JHY: variants seen among roughly 807,000 people sequenced by gnomAD.
The protein encoded by JHY is jhy protein homolog.
A neutral mutation model predicts 78.0 loss-of-function variants in JHY; 69 were observed. That is an observed-to-expected ratio of 0.88 (90% CI 0.73 to 1.08). The LOEUF (loss-of-function observed/expected upper bound fraction) is 1.08, where lower values mean the gene tolerates loss of function less well. Among genes scored for constraint, JHY ranks in the 50% least tolerant of loss-of-function variants. JHY has a pLI of 0.00. For synonymous variants in JHY, 368 were observed against 342.6 expected, an observed-to-expected ratio of 1.07 and a Z score of -0.82; for missense variants, 944 against 927.8, an observed-to-expected ratio of 1.02 and a Z score of -0.23.
rs148101030 is a variant in JHY, at chr11:122,934,356, T to A, written c.979-64T>A. The A allele has an allele frequency of 7.0e-4, 511 of 727,196 alleles. 7 individuals are homozygous for A. The East Asian group carries it at 0.018, about 25-fold the overall frequency. The allele number at this position is 727,196 out of a possible 1,614,324, so 45.0% of individuals were successfully genotyped here. A position where few individuals can be genotyped will look rare whatever the true frequency, so the allele number is the denominator to read the frequency against. On this transcript the variant is annotated intron_variant, in intron 4 of 8. Coordinates refer to ENST00000227349, the MANE Select transcript of JHY (RefSeq NM_024806.4). ...AATAAATAAATAAATAAATAAATAA[T>A]AAAATAAAATTTGTGAAGAGTGCCA...
chr11:122,955,117 G>A (rs1864162455), intron 6 of JHY, among the ~76,000 whole-genome samples: 1 of 151,960 alleles, frequency 6.6e-6, no homozygotes, highest in South Asian at 2.1e-4. Context: ...TTCAGGGTTT[G>A]TTGTTGTTGT....
At chr11:122,888,889 A>G (rs1183930899) in intron 2 of JHY, among the ~76,000 whole-genome samples, 1 of 152,194 alleles carries the variant, frequency 6.6e-6, no homozygotes, top group Non-Finnish European at 1.5e-5. Flanking sequence ...CTTTTGAACT[A>G]AGACATGGTC....
rs1343250445 is a variant in JHY at position 122,925,706 on chromosome 11, AC to A, written c.978+699del. ...AGACCAGCTTGGCCAACATAGTGAA[AC>A]CCTGTCTCTACTAAAAATACAAAGA... On this transcript the variant is annotated intron_variant, in intron 4 of 8. Coordinates refer to ENST00000227349, the MANE Select transcript of JHY (RefSeq NM_024806.4). Among the ~76,000 whole-genome samples, 3 of 151,862 alleles carry A rather than the reference AC, an allele frequency of 2.0e-5. No homozygotes were observed. The East Asian group carries it at 5.8e-4, about 29-fold the overall frequency.
chr11:122,927,804 C>G (rs955002221), intron 4 of JHY, among the ~76,000 whole-genome samples: 5 of 149,824 alleles, frequency 3.3e-5, no homozygotes, highest in Non-Finnish European at 5.9e-5. Context: ...GATCTTGGCT[C>G]ACTGTAACCT....
rs80178051 is a variant in JHY at position 122,917,473 on chromosome 11, C to T, written c.865-7424C>T. 0.051 allele frequency among the ~76,000 whole-genome samples: 7,732 copies of T among 152,274 alleles called. 293 individuals carry two copies. Among genetic ancestry groups the T allele is most frequent in the African/African-American group, 0.095 (3,953 of 41,534 alleles). On this transcript the variant is annotated intron_variant, in intron 3 of 8. Coordinates refer to ENST00000227349, the MANE Select transcript of JHY (RefSeq NM_024806.4). The surrounding 1 kb of genome is among the most constrained non-coding windows in gnomAD (Gnocchi z 4.1). ...GTGTTCCTTGGACCAGGAGCATCAT[C>T]ATCACCTGGGAACTTAACACAAGTG...
chr11:122,923,025 C>T (rs890779799), intron 3 of JHY, among the ~76,000 whole-genome samples: 7 of 152,140 alleles, frequency 4.6e-5, no homozygotes, highest in African/African-American at 1.7e-4. Context: ...GACAGCATTT[C>T]TAGGCAGTGG....
At chr11:122,942,439 A>G (rs1412149309) in intron 5 of JHY, among the ~76,000 whole-genome samples, 1 of 151,112 alleles carries the variant, frequency 6.6e-6, no homozygotes, top group Non-Finnish European at 1.5e-5. Flanking sequence ...TTATTTATTT[A>G]TTGAGACAGA....
At chr11:122,934,287 G>A in intron 4 of JHY, 133 bp from the exon 5 acceptor site, 1 of 427,898 alleles carries the variant, frequency 2.3e-6, no homozygotes, top group Non-Finnish European at 3.3e-6. Flanking sequence ...CTGCACTCCA[G>A]CCTGGGAGAC....
rs1410854415 is a variant in JHY, at chr11:122,904,179, A to G, written c.599A>G (p.Tyr200Cys). ...LLGSEFLSPNYEHGARRSKPF... is the reference protein window; with the variant it reads ...LLGSEFLSPNCEHGARRSKPF... ...GGTAGTGAATTTTTAAGCCCAAACT[A>G]TGAGCATGGTGCCCGTCGCAGCAAG... Residue 200 changes from tyrosine (Y) to cysteine (C), a missense_variant, in exon 3 of 9, where the codon TAT becomes TGT. Coordinates refer to ENST00000227349, the MANE Select transcript of JHY (RefSeq NM_024806.4). The G allele has an allele frequency of 1.2e-6, 2 of 1,614,180 alleles. No individual in the cohort carries two copies. The highest frequency in any genetic ancestry group is 1.7e-6 in the Non-Finnish European group (2 of 1,180,022).
At chr11:122,948,507 TG>T (rs1167448916) in intron 6 of JHY, among the ~76,000 whole-genome samples, 2 of 151,048 alleles carry the variant, frequency 1.3e-5, no homozygotes, top group African/African-American at 4.9e-5. Context: ...TGGAAGATGC[TG>T]GGATGTAAAG....
In JHY at chr11:122,957,381, C is replaced by G. The variant is rs1383577508; in HGVS notation, c.2029C>G (p.Gln677Glu). Residue 677 changes from glutamine to glutamate, a missense_variant, in exon 8 of 9, where the codon CAA becomes GAA. By Grantham distance (29) the Gln-to-Glu change is conservative. Transcript: ENST00000227349. The part of the protein sequence containing the change: ...IRDKTQKLIQ[Q>E]KEYAKQVKEY... The stretch of plus-strand genomic sequence containing the variant: ...TGAACAGACGCAAAAATTAATACAG[C>G]AAAAGGAATATGCAAAACAAGTCAA... 1 of 1,530,360 alleles carries G rather than the reference C, an allele frequency of 6.5e-7. No individual in the cohort carries two copies. The highest frequency in any genetic ancestry group is 1.5e-5 in the African/African-American group (1 of 68,828). The allele number at this position is 1,530,360 out of a possible 1,614,324, so 94.8% of individuals were successfully genotyped here. A position where few individuals can be genotyped will look rare whatever the true frequency, so the allele number is the denominator to read the frequency against.
At chr11:122,957,874 C>T (rs182308755) in intron 8 of JHY, among the ~76,000 whole-genome samples, 181 of 151,970 alleles carry the variant, frequency 1.2e-3, no homozygotes, top group Admixed American at 3.0e-3. Context: ...GTTATTGTCT[C>T]CATGTCTTTT....
chr11:122,887,617 G>A (rs139457392), intron 2 of JHY, among the ~76,000 whole-genome samples: 242 of 151,968 alleles, frequency 1.6e-3, no homozygotes, highest in African/African-American at 5.4e-3. Context: ...CACTGTGCCC[G>A]GCCGATTTTT....
chr11:122,939,990 G>A (rs1863839127), intron 5 of JHY, among the ~76,000 whole-genome samples: 1 of 148,344 alleles, frequency 6.7e-6, no homozygotes. Context: ...TCCTGATCCA[G>A]TATTCAGTGT....
chr11:122,950,498 A>G (rs1163972750), intron 6 of JHY, among the ~76,000 whole-genome samples: 1 of 152,154 alleles, frequency 6.6e-6, no homozygotes, highest in Non-Finnish European at 1.5e-5. Flanking sequence ...ATTTAGAGGA[A>G]GCCATGGACC....
At chr11:122,957,055 A>G (rs1864208627) in intron 7 of JHY, among the ~76,000 whole-genome samples, 4 of 152,338 alleles carry the variant, frequency 2.6e-5, no homozygotes, top group South Asian at 4.1e-4. Flanking sequence ...GTATAGTTCA[A>G]AGTTGGAAGC....
At chr11:122,900,905 C>T (rs1862843314) in intron 2 of JHY, among the ~76,000 whole-genome samples, 1 of 152,184 alleles carries the variant, frequency 6.6e-6, no homozygotes, top group South Asian at 2.1e-4. Context: ...TAAAACCGTG[C>T]TTTCCCCCAA....
Position 122,917,195 on chromosome 11 carries a change from G to A in JHY, c.865-7702G>A, listed in dbSNP as rs572407749. Among the ~76,000 whole-genome samples the A allele has an allele frequency of 1.3e-5, 2 of 152,308 alleles. No homozygotes were observed. Among genetic ancestry groups the A allele is most frequent in the African/African-American group, 4.8e-5 (2 of 41,572 alleles). On this transcript the variant is annotated intron_variant, in intron 3 of 8. Transcript: ENST00000227349. This position sits in a 1 kb window ranked among gnomAD's most constrained non-coding sequence, Gnocchi z 4.1. Reference sequence around the variant, plus strand: ...TCTTGGTAAACATACAACTCAACAAGTGGAAGTAGAAGTACCAAGGTGTAC... The same window carrying A: ...TCTTGGTAAACATACAACTCAACAAATGGAAGTAGAAGTACCAAGGTGTAC...
intron 6 of JHY, among the ~76,000 whole-genome samples, chr11:122,955,112 G>A (rs1280386408): frequency 2.0e-5 from 3 of 152,014 alleles, no homozygotes; most frequent in Admixed American, 6.6e-5. Flanking sequence ...TAAACTTCAG[G>A]GTTTGTTGTT....
Sources: allele counts gnomAD v4.1 joint callset (sites outside exome capture counted in the v4.1 genomes callset), GRCh38; gene constraint gnomAD v4.1.1; non-coding constraint Gnocchi (gnomAD v3.1); transcripts MANE v1.5; gene names NCBI Gene and HGNC (gene_info 2026-07-23, HGNC 2026-07-21).